STRBP: variants seen among roughly 807,000 people sequenced by gnomAD.
The protein encoded by STRBP is spermatid perinuclear RNA-binding protein.
STRBP carries 13 observed loss-of-function variants against 80.1 expected under a neutral mutation model. The observed-to-expected ratio is 0.16, with a 90% confidence interval of 0.11 to 0.26. The LOEUF is 0.26. Ranked by LOEUF, STRBP falls within the 10% of genes least tolerant of loss-of-function variation. The probability of loss-of-function intolerance (pLI) is 1.00; values close to 1 mark genes in which losing one functional copy is unlikely to be tolerated. For synonymous variants in STRBP, 284 were observed against 291.2 expected (o/e 0.98, Z 0.25); for missense variants, 485 against 815.2 (o/e 0.59, Z 4.93).
intron 1 of STRBP, among the ~76,000 whole-genome samples, chr9:123,267,543 TCCCTCACAC>T (rs1406666974): frequency 1.3e-5 from 2 of 149,070 alleles, no homozygotes; most frequent in African/African-American, 5.0e-5. Context: ...GGCCACACAC[TCCCTCACAC>T]CCCTCGCAGG....
chr9:123,145,819 T>C lies in STRBP; in HGVS notation c.1338+1036A>G, dbSNP rs137856110. ...AAATTCATACTCTTTCATCATACTT[T>C]AGATATCCCTTTTCCAATGAAGACA... On this transcript the variant is annotated intron_variant, in intron 13 of 18. Coordinates refer to ENST00000348403, the MANE Select transcript of STRBP (RefSeq NM_018387.5). 5.3e-3 allele frequency among the ~76,000 whole-genome samples: 801 copies of C among 152,310 alleles called. 7 individuals carry two copies. The highest frequency in any genetic ancestry group is 0.014 in the Middle Eastern group (4 of 294).
intron 14 of STRBP, among the ~76,000 whole-genome samples, chr9:123,138,779 G>C (rs1324189644): frequency 6.6e-6 from 1 of 152,194 alleles, no homozygotes; most frequent in African/African-American, 2.4e-5. Context: ...CTGGCACTAA[G>C]CAGGTATTAA....
At chr9:123,234,662 AT>A (rs1395584551) in intron 2 of STRBP, among the ~76,000 whole-genome samples, 1 of 152,120 alleles carries the variant, frequency 6.6e-6, no homozygotes, top group Non-Finnish European at 1.5e-5. Flanking sequence ...CAGCATAAAC[AT>A]TTTGTATTTG....
intron 1 of STRBP, among the ~76,000 whole-genome samples, chr9:123,257,924 T>C (rs1370990421): frequency 6.6e-6 from 1 of 151,914 alleles, no homozygotes. Context: ...AATTATTATA[T>C]CTATATCTTT....
In STRBP at chr9:123,257,212, T is replaced by C. The variant is rs189337191; in HGVS notation, c.-302+11224A>G. 8.2e-4 allele frequency among the ~76,000 whole-genome samples: 125 copies of C among 152,298 alleles called. 2 individuals carry two copies. Among genetic ancestry groups the C allele is most frequent in the Non-Finnish European group, 3.2e-4 (22 of 68,024 alleles). Reference sequence around the variant, plus strand: ...TCCATACAAATCTTGAGCATTCTTATTTTGCTAATGCTATTCCCTCCATAT... The same window carrying C: ...TCCATACAAATCTTGAGCATTCTTACTTTGCTAATGCTATTCCCTCCATAT... On this transcript the variant is annotated intron_variant, in intron 1 of 18. Coordinates refer to ENST00000348403, the MANE Select transcript of STRBP (RefSeq NM_018387.5).
chr9:123,115,339 G>C lies in STRBP; in HGVS notation c.*84+590C>G, dbSNP rs796332544. ...GAGGCCTGGCTCCTCTCCTGCCCTC[G>C]GCGGGAGACCTGGGAACGGGCCTGC... On this transcript the variant is annotated intron_variant and NMD_transcript_variant, in intron 3 of 3. Transcript: ENST00000471564. This position sits in a 1 kb window ranked among gnomAD's most constrained non-coding sequence, Gnocchi z 5.0. The C allele has an allele frequency of 2.1e-6, 1 of 470,918 alleles. No homozygotes were observed. Among genetic ancestry groups the C allele is most frequent in the East Asian group, 7.0e-5 (1 of 14,384 alleles). 29.2% of individuals were successfully genotyped at this position (470,918 alleles called of 1,614,324 possible).
At chr9:123,178,239 C>T (rs143309282) in intron 4 of STRBP, among the ~76,000 whole-genome samples, 17 of 152,332 alleles carry the variant, frequency 1.1e-4, no homozygotes, top group South Asian at 6.2e-4. Context: ...TAACCTCTTT[C>T]ACTTACAAAT....
At chr9:123,158,494 A>G (rs2037385876) in intron 9 of STRBP, 65 bp from the exon 10 acceptor site, 1 of 1,378,958 alleles carries the variant, frequency 7.3e-7, no homozygotes, top group South Asian at 1.2e-5. Context: ...AACTAAAACA[A>G]AAGAGAGATG....
chr9:123,115,904 A>C lies in STRBP; in HGVS notation c.*84+25T>G. The C allele has an allele frequency of 7.4e-6, 3 of 408,088 alleles. No homozygotes were observed. Among genetic ancestry groups the C allele is most frequent in the Non-Finnish European group, 1.5e-5 (3 of 206,446 alleles). The allele number at this position is 408,088 out of a possible 1,614,324, so 25.3% of individuals were successfully genotyped here. On this transcript the variant is annotated intron_variant and NMD_transcript_variant, in intron 3 of 3. Transcript: ENST00000471564. The surrounding 1 kb of genome is among the most constrained non-coding windows in gnomAD (Gnocchi z 5.0). ...TCACCCTTTGGAACCACATACAACA[A>C]ATAAATATAATCCCTTAAAAATACC... is the stretch of plus-strand genomic sequence containing the variant.
At chr9:123,228,259 C>CA (rs1391261382) in intron 2 of STRBP, among the ~76,000 whole-genome samples, 1 of 152,104 alleles carries the variant, frequency 6.6e-6, no homozygotes, top group Non-Finnish European at 1.5e-5. Context: ...GGTGGGCAGG[C>CA]AGCTGGACAC....
At position 123,158,351 on chromosome 9, in the gene STRBP, T is replaced by C; in HGVS notation, c.914A>G (p.Asp305Gly). ...TTCTACCTGTGCACTGTGGGTAATA[T>C]CTTCTTTTTGCTGGATGGTCATATA... ...LSYMTIQQKE[D>G]ITHSAQHALR... is the part of the protein sequence containing the mutation. Residue 305 changes from aspartate to glycine, a missense_variant, in exon 10 of 19, where the codon GAT becomes GGT. Physicochemically the swap from Asp to Gly is moderately conservative, Grantham distance 94. This residue lies in a region of STRBP where 377 missense variants were observed against 616.1 expected (regional missense o/e 0.61). Coordinates refer to ENST00000348403, the MANE Select transcript of STRBP (RefSeq NM_018387.5). 6.2e-7 allele frequency: 1 copy of C among 1,613,652 alleles called. No homozygotes were observed. Among genetic ancestry groups the C allele is most frequent in the Non-Finnish European group, 8.5e-7 (1 of 1,179,656 alleles).
chr9:123,185,414 T>C (rs1255767952), intron 2 of STRBP, among the ~76,000 whole-genome samples: 1 of 152,058 alleles, frequency 6.6e-6, no homozygotes, highest in African/African-American at 2.4e-5. Flanking sequence ...AAAAAAATGA[T>C]ACTATTTAAC....
At chr9:123,195,829 C>T (rs1361799729) in intron 2 of STRBP, among the ~76,000 whole-genome samples, 1 of 152,084 alleles carries the variant, frequency 6.6e-6, no homozygotes, top group African/African-American at 2.4e-5. Context: ...ACAGTCTTCA[C>T]AGAAATAGAA....
rs141115688 is a variant in STRBP at position 123,248,700 on chromosome 9, T to C, written c.-301-11734A>G. Among the ~76,000 whole-genome samples, 451 of 152,342 alleles carry C rather than the reference T, an allele frequency of 3.0e-3. 2 individuals are homozygous for C. The highest frequency in any genetic ancestry group is 5.0e-3 in the Non-Finnish European group (341 of 68,026). Reference sequence around the variant, plus strand: ...AATTTTGTAAGCCTAACATAATTATTCAGTGTTAATTCTCCAGTATAACCT... The same window carrying C: ...AATTTTGTAAGCCTAACATAATTATCCAGTGTTAATTCTCCAGTATAACCT... On this transcript the variant is annotated intron_variant, in intron 1 of 18. Transcript: ENST00000348403.
intron 2 of STRBP, among the ~76,000 whole-genome samples, chr9:123,208,853 CACAA>C (rs1028482697): frequency 2.6e-5 from 4 of 152,188 alleles, no homozygotes; most frequent in Non-Finnish European, 4.4e-5. Context: ...ACAAGAGACT[CACAA>C]ACAAACATTT....
At chr9:123,261,970 TA>T (rs2041169376) in intron 1 of STRBP, among the ~76,000 whole-genome samples, 1 of 152,194 alleles carries the variant, frequency 6.6e-6, no homozygotes, top group African/African-American at 2.4e-5. Flanking sequence ...ATAAACATCT[TA>T]AAAATGAACT....
In STRBP at chr9:123,123,557, A is replaced by G; in HGVS notation, c.*2040T>C. The G allele has an allele frequency of 1.0e-6, 1 of 984,668 alleles. No individual in the cohort carries two copies. The highest frequency in any genetic ancestry group is 1.2e-6 in the Non-Finnish European group (1 of 829,760). 61.0% of individuals were successfully genotyped at this position (984,668 alleles called of 1,614,324 possible). ...TAAAAAAAAAAAAAAAAGACTTGGT[A>G]GAAACCATTTGAAATGACTGCCATC... On this transcript the variant is annotated 3_prime_UTR_variant, in exon 19 of 19. Coordinates refer to ENST00000348403, the MANE Select transcript of STRBP (RefSeq NM_018387.5).
intron 1 of STRBP, among the ~76,000 whole-genome samples, chr9:123,267,547 T>TC (rs1172676337): frequency 6.7e-6 from 1 of 150,116 alleles, no homozygotes; most frequent in Non-Finnish European, 1.5e-5. Flanking sequence ...ACACACTCCC[T>TC]CACACCCCTC....
chr9:123,199,181 G>A (rs1427108949), intron 2 of STRBP, among the ~76,000 whole-genome samples: 2 of 152,098 alleles, frequency 1.3e-5, no homozygotes, highest in African/African-American at 2.4e-5. Context: ...TGATCTGCCC[G>A]CCTCAGCCTC....
Sources: allele counts gnomAD v4.1 joint callset (sites outside exome capture counted in the v4.1 genomes callset), GRCh38; gene constraint gnomAD v4.1.1; regional missense constraint gnomAD v4.1.1; non-coding constraint Gnocchi (gnomAD v3.1); transcripts MANE v1.5; gene names NCBI Gene and HGNC (gene_info 2026-07-23, HGNC 2026-07-21).